ANKFN1: variants seen among roughly 807,000 people sequenced by gnomAD.
The protein encoded by ANKFN1 is ankyrin repeat and fibronectin type III domain containing 1, also known as ankyrin repeat and fibronectin type-III domain-containing protein 1.
ANKFN1 carries 74 observed loss-of-function variants against 108.7 expected under a neutral mutation model. That is an observed-to-expected ratio of 0.68 (90% confidence interval 0.56 to 0.83). The LOEUF is 0.83. Ranked by LOEUF, ANKFN1 falls within the 40% of genes least tolerant of loss-of-function variation. ANKFN1 has a pLI of 0.00. For synonymous variants in ANKFN1, 547 were observed against 516.2 expected (o/e 1.06, Z -0.81); for missense variants, 1,505 against 1,382.3 (o/e 1.09, Z -1.41).
chr17:56,116,678 T>C (rs1906300169), intron 4 of ANKFN1, among the ~76,000 whole-genome samples: 1 of 152,298 alleles, frequency 6.6e-6, no homozygotes, highest in South Asian at 2.1e-4. Context: ...GTTGGCGCCA[T>C]GCTTCTTGTA....
At chr17:56,166,631 A>G (rs1322625083) in intron 1 of ANKFN1, among the ~76,000 whole-genome samples, 1 of 152,102 alleles carries the variant, frequency 6.6e-6, no homozygotes, top group Non-Finnish European at 1.5e-5. Context: ...ATTTTAGGCC[A>G]CTGGAATGGC....
chr17:56,288,695 AT>A (rs1374863750), intron 3 of ANKFN1, among the ~76,000 whole-genome samples: 4 of 152,124 alleles, frequency 2.6e-5, no homozygotes, highest in Non-Finnish European at 2.9e-5. Context: ...TAACAAATAT[AT>A]TTCTCTTATG....
chr17:56,106,051 A>G (rs1018188455), intron 4 of ANKFN1, among the ~76,000 whole-genome samples: 1 of 152,112 alleles, frequency 6.6e-6, no homozygotes, highest in Non-Finnish European at 1.5e-5. Context: ...TATCCATACT[A>G]TCTGTCATCC....
chr17:56,159,101 A>G (rs563071112), intron 1 of ANKFN1, among the ~76,000 whole-genome samples: 1 of 151,946 alleles, frequency 6.6e-6, no homozygotes, highest in Admixed American at 6.6e-5. Flanking sequence ...AGGAGGAAGA[A>G]GAAGTAGAAG....
At chr17:56,436,557 C>T (rs2048936450) in intron 8 of ANKFN1, among the ~76,000 whole-genome samples, 1 of 152,142 alleles carries the variant, frequency 6.6e-6, no homozygotes, top group African/African-American at 2.4e-5. Context: ...GGCACGGTGG[C>T]TCATGCCTAT....
intron 8 of ANKFN1, among the ~76,000 whole-genome samples, chr17:56,427,457 TGC>T (rs2048605523): frequency 6.6e-6 from 1 of 152,130 alleles, no homozygotes; most frequent in Non-Finnish European, 1.5e-5. Flanking sequence ...TGGCCACTAT[TGC>T]CACATGTAGC....
In ANKFN1 at chr17:56,055,574, T is replaced by TAC. The variant is rs1487001161; in HGVS notation, c.288+9250_288+9251insCA. Among the ~76,000 whole-genome samples the TAC allele has an allele frequency of 2.2e-4, 23 of 105,392 alleles. 1 individual carries two copies. Among genetic ancestry groups the TAC allele is most frequent in the African/African-American group, 1.1e-3 (21 of 19,272 alleles). The allele number at this position is 105,392 out of a possible 152,430, so 69.1% of individuals were successfully genotyped here. On this transcript the variant is annotated intron_variant, in intron 4 of 12. Coordinates refer to the ANKFN1 transcript ENST00000635860. ...TGTGTGTGGTATATATACATATATA[T>TAC]ATATATATATATATGTATATATACA... is the stretch of plus-strand genomic sequence containing the variant.
intron 6 of ANKFN1, 107 bp from the exon 7 acceptor site, chr17:56,372,539 A>ATTT: frequency 5.1e-6 from 4 of 786,436 alleles, no homozygotes; most frequent in South Asian, 1.8e-5. Context: ...TTTCCCAGGC[A>ATTT]TTTTTTTTTT....
chr17:56,251,585 C>G (rs2043237214), intron 3 of ANKFN1, among the ~76,000 whole-genome samples: 1 of 152,172 alleles, frequency 6.6e-6, no homozygotes. Context: ...TCTCCCTACT[C>G]AAAAGGTTTG....
rs145812516 is a variant in ANKFN1, at chr17:56,407,843, G to A, written c.911-32484G>A. Among the ~76,000 whole-genome samples, 4 of 151,240 alleles carry A rather than the reference G, an allele frequency of 2.6e-5. No individual in the cohort carries two copies. The East Asian group carries it at 5.8e-4, about 22-fold the overall frequency. On this transcript the variant is annotated intron_variant, in intron 8 of 20. Transcript: ENST00000682825. ...ATTTCTTGATGCTTTCTTCAATAAC[G>A]CCAATTACTACAACTGTTTTCAATA...
chr17:56,112,316 A>G (rs961638155), intron 4 of ANKFN1, among the ~76,000 whole-genome samples: 4 of 152,062 alleles, frequency 2.6e-5, no homozygotes, highest in African/African-American at 4.8e-5. Flanking sequence ...TGTGGTTTCT[A>G]CTTTAATCTG....
intron 4 of ANKFN1, among the ~76,000 whole-genome samples, chr17:56,101,807 A>G (rs925106412): frequency 6.6e-6 from 1 of 152,198 alleles, no homozygotes; most frequent in Non-Finnish European, 1.5e-5. Context: ...AGTCTCTTGC[A>G]TCAGAATACC....
chr17:56,075,953 A>G (rs1050613551), intron 4 of ANKFN1, among the ~76,000 whole-genome samples: 1 of 152,134 alleles, frequency 6.6e-6, no homozygotes, highest in Non-Finnish European at 1.5e-5. Context: ...GGCTTGACAC[A>G]TTTTTCAGAA....
intron 6 of ANKFN1, among the ~76,000 whole-genome samples, chr17:56,362,982 G>T (rs541831954): frequency 6.6e-6 from 1 of 152,080 alleles, no homozygotes; most frequent in Non-Finnish European, 1.5e-5. Context: ...AGGCCAAGGC[G>T]GGAGGATCAT....
At chr17:56,124,629 AT>A (rs1262086306) in intron 4 of ANKFN1, among the ~76,000 whole-genome samples, 4 of 152,100 alleles carry the variant, frequency 2.6e-5, no homozygotes, top group African/African-American at 9.6e-5. Context: ...CCCACTTTCT[AT>A]TGTCCCAATC....
chr17:56,467,798 GAAAGAAAGA>G (rs2050159085), intron 15 of ANKFN1, among the ~76,000 whole-genome samples: 246 of 30,684 alleles, frequency 8.0e-3, no homozygotes, highest in Non-Finnish European at 0.015. Context: ...AAAGAAGAAA[GAAAGAAAGA>G]AAGAAAGAAA....
chr17:56,339,606 C>T (rs1368918727), intron 4 of ANKFN1, among the ~76,000 whole-genome samples: 1 of 152,114 alleles, frequency 6.6e-6, no homozygotes, highest in Non-Finnish European at 1.5e-5. Context: ...TGGCCTCCAG[C>T]TCCACCCATG....
At chr17:56,062,556 C>T (rs1904992500) in intron 4 of ANKFN1, among the ~76,000 whole-genome samples, 1 of 94,994 alleles carries the variant, frequency 1.1e-5, no homozygotes, top group African/African-American at 4.1e-5. Flanking sequence ...ATTGTAATCT[C>T]TGCTTTTTTT....
chr17:56,351,848 A>G (rs1485616172), intron 5 of ANKFN1, among the ~76,000 whole-genome samples: 2 of 152,194 alleles, frequency 1.3e-5, no homozygotes, highest in African/African-American at 4.8e-5. Context: ...TGCAGGGAGT[A>G]ATGGCACCAT....
Sources: allele counts gnomAD v4.1 joint callset (sites outside exome capture counted in the v4.1 genomes callset), GRCh38; gene constraint gnomAD v4.1.1; transcripts MANE v1.5; gene names NCBI Gene and HGNC (gene_info 2026-07-23, HGNC 2026-07-21).